The following USH2A variants were observed in gnomAD, a reference collection of about 807,000 sequenced individuals.
USH2A encodes Usher syndrome 2A (autosomal recessive, mild).
In USH2A, 443 loss-of-function variants were observed where a neutral mutation model predicts 538.9. That is an observed-to-expected ratio of 0.82 (90% CI 0.76 to 0.89). The LOEUF (loss-of-function observed/expected upper bound fraction) is 0.89, where lower values mean the gene tolerates loss of function less well. Among genes scored for constraint, USH2A ranks in the 40% least tolerant of loss-of-function variants. USH2A has a pLI of 0.00. For missense variants in USH2A, 6,633 were observed against 6,324.8 expected (o/e 1.05, Z -1.65); for synonymous variants, 2,413 against 2,273.5 (o/e 1.06, Z -1.75).
At chr1:216,380,511 A>T (rs2038906746) in intron 3 of USH2A, among the ~76,000 whole-genome samples, 1 of 152,202 alleles carries the variant, frequency 6.6e-6, no homozygotes, top group African/African-American at 2.4e-5. Context: ...TATTATTTTA[A>T]AGGAAATTCC....
At chr1:215,684,009 T>G (rs775015560) in intron 61 of USH2A, among the ~76,000 whole-genome samples, 4 of 152,194 alleles carry the variant, frequency 2.6e-5, no homozygotes, top group Admixed American at 6.5e-5. Flanking sequence ...AGAAGATGAC[T>G]CAACAAAGAA....
intron 61 of USH2A, among the ~76,000 whole-genome samples, chr1:215,695,475 T>C (rs978926234): frequency 1.3e-5 from 2 of 151,978 alleles, no homozygotes; most frequent in Non-Finnish European, 2.9e-5. Context: ...CAAAAATCAA[T>C]TGTATTTCCC....
At chr1:216,261,430 T>A in intron 11 of USH2A, among the ~76,000 whole-genome samples, 2 of 130,368 alleles carry the variant, frequency 1.5e-5, no homozygotes, top group Admixed American at 7.9e-5. Flanking sequence ...GCCTAGACAA[T>A]ATACTAAGAT....
chr1:216,078,780 GA>G (rs909368543), intron 26 of USH2A, among the ~76,000 whole-genome samples: 2 of 152,018 alleles, frequency 1.3e-5, no homozygotes, highest in Admixed American at 1.3e-4. Flanking sequence ...TAATTTGGGG[GA>G]AAATATGGCA....
At chr1:215,679,335 A>C (rs893457595) in intron 62 of USH2A, among the ~76,000 whole-genome samples, 2 of 152,148 alleles carry the variant, frequency 1.3e-5, no homozygotes, top group Admixed American at 6.5e-5. Flanking sequence ...TGGCAAAGAA[A>C]AGGGTAGTGT....
intron 3 of USH2A, among the ~76,000 whole-genome samples, chr1:216,385,335 G>A (rs907719356): frequency 6.6e-6 from 1 of 152,140 alleles, no homozygotes; most frequent in African/African-American, 2.4e-5. Flanking sequence ...TTGAAAAACT[G>A]TTGACAAAGA....
chr1:216,325,426 G>T lies in USH2A; in HGVS notation c.1022C>A (p.Pro341His). 4 of 1,613,914 alleles carry T rather than the reference G, an allele frequency of 2.5e-6. No individual in the cohort carries two copies. Among genetic ancestry groups the T allele is most frequent in the Non-Finnish European group, 3.4e-6 (4 of 1,179,928 alleles). Residue 341 changes from proline (P) to histidine (H), a missense_variant, in exon 6 of 72, where the codon CCT becomes CAT. Physicochemically the swap from Pro to His is moderately conservative, Grantham distance 77. Coordinates refer to ENST00000307340, the MANE Select transcript of USH2A (RefSeq NM_206933.4). The part of the protein sequence containing the change: ...RVSRLNPEAH[P>H]LSFVNDNDVG... ...ATCATTATCATTGACAAAAGAGAGA[G>T]GATGGGCTTCAGGATTCAACCGTGA... is the stretch of plus-strand genomic sequence containing the variant.
intron 36 of USH2A, among the ~76,000 whole-genome samples, chr1:215,969,585 A>G (rs1462426647): frequency 6.7e-6 from 1 of 150,060 alleles, no homozygotes; most frequent in African/African-American, 2.5e-5. Flanking sequence ...AAGCTGGCCT[A>G]TTGCCATTCC....
Position 215,759,730 on chromosome 1 carries a change from C to T in USH2A, c.11161G>A (p.Gly3721Arg). Residue 3721 changes from glycine (G) to arginine (R), a missense_variant, in exon 57 of 72, where the codon GGA becomes AGA. Coordinates refer to ENST00000307340, the MANE Select transcript of USH2A (RefSeq NM_206933.4). The stretch of plus-strand genomic sequence containing the variant: ...CTGCCACCCAGGAAAAGCAAGTTTC[C>T]ATTACGACTCAATTGATATTGAGAA... ...LVSQYQLSRNGNLLFLGGSEE... is the reference protein window; with the variant it reads ...LVSQYQLSRNRNLLFLGGSEE... The T allele has an allele frequency of 6.2e-7, 1 of 1,614,010 alleles. No homozygotes were observed. The highest frequency in any genetic ancestry group is 8.5e-7 in the Non-Finnish European group (1 of 1,179,952).
rs1007934416 is a variant in USH2A at position 215,948,486 on chromosome 1, A to C, written c.7121-13691T>G. On this transcript the variant is annotated intron_variant, in intron 37 of 71. Transcript: ENST00000307340. ...CACACGTATATATGGACATACATCT[A>C]TACATATATGATCTACTGTCATATA... Among the ~76,000 whole-genome samples, 12 of 151,732 alleles carry C rather than the reference A, an allele frequency of 7.9e-5. 1 individual carries two copies. In the East Asian group the frequency reaches 1.9e-3, roughly 24 times the overall value.
chr1:215,759,554 G>A (rs1454397666), intron 57 of USH2A, 106 bp downstream of exon 57: 4 of 1,394,530 alleles, frequency 2.9e-6, no homozygotes, highest in Non-Finnish European at 4.0e-6. Flanking sequence ...GAATGAGGAA[G>A]TTAATTAAAC....
At chr1:215,703,913 T>C (rs1013234682) in intron 61 of USH2A, among the ~76,000 whole-genome samples, 2 of 151,834 alleles carry the variant, frequency 1.3e-5, no homozygotes, top group African/African-American at 4.8e-5. Flanking sequence ...AGCTGCCTGG[T>C]TTTGTGCTTG....
In USH2A at chr1:215,674,777, C is replaced by A. The variant is rs148975669; in HGVS notation, c.13134G>T (p.Pro4378=). 271 of 1,614,054 alleles carry A rather than the reference C, an allele frequency of 1.7e-4. No homozygotes were observed. Among genetic ancestry groups the A allele is most frequent in the South Asian group, 1.6e-3 (143 of 91,072 alleles). ...TAATCTTTCCATTTTGCACTGTGGG[C>A]GGTGACCAACATACATTCATTTGAG... ...SATQMNVCWS[P]PTVQNGKITK... The change falls in exon 63 of 72, where the codon CCG becomes CCT. Residue 4378 remains proline, a synonymous_variant. Transcript: ENST00000307340.
Position 215,779,982 on chromosome 1 carries a change from G to A in USH2A, c.10800C>T (p.Ala3600=). The A allele has an allele frequency of 6.2e-7, 1 of 1,614,098 alleles. No homozygotes were observed. The highest frequency in any genetic ancestry group is 1.1e-5 in the South Asian group (1 of 91,086). The part of the protein sequence containing the change: ...PESILPPSIT[A]LSAVALHLSW... The stretch of plus-strand genomic sequence containing the variant: ...TCAGATGCAGAGCCACTGCACTTAG[G>A]GCTGTGATGCTTGGTGGCAGGATGC... Residue 3600 remains alanine (A), a synonymous_variant, in exon 55 of 72, where the codon GCC becomes GCT. Transcript: ENST00000307340.
intron 30 of USH2A, among the ~76,000 whole-genome samples, chr1:216,063,832 T>TA (rs1439444175): frequency 6.6e-6 from 1 of 152,166 alleles, no homozygotes; most frequent in Admixed American, 6.5e-5. Flanking sequence ...CTAATTGATG[T>TA]AAAAAAGAAT....
At chr1:216,289,448 T>G (rs767106126) in intron 10 of USH2A, 38 bp from the exon 11 acceptor site, 11 of 1,612,884 alleles carry the variant, frequency 6.8e-6, no homozygotes, top group South Asian at 1.1e-5. Context: ...GACTTCTAAT[T>G]CATTAAAATC....
At chr1:216,201,489 T>A (rs1351520406) in intron 16 of USH2A, 2 of 152,290 alleles carry the variant, frequency 1.3e-5, no homozygotes, top group Non-Finnish European at 2.9e-5. Flanking sequence ...AATTTTTGTA[T>A]TTTTTGTAGA....
chr1:215,958,663 C>T (rs551062435), intron 37 of USH2A, among the ~76,000 whole-genome samples: 1 of 152,058 alleles, frequency 6.6e-6, no homozygotes, highest in Non-Finnish European at 1.5e-5. Flanking sequence ...AGGCACCCCA[C>T]TCCTTCCAGA....
intron 60 of USH2A, among the ~76,000 whole-genome samples, chr1:215,728,999 C>T (rs1373982474): frequency 6.6e-6 from 1 of 152,094 alleles, no homozygotes; most frequent in Non-Finnish European, 1.5e-5. Context: ...CAGCTAGGGT[C>T]CCAATGTGTT....
Sources: allele counts gnomAD v4.1 joint callset (sites outside exome capture counted in the v4.1 genomes callset), GRCh38; gene constraint gnomAD v4.1.1; transcripts MANE v1.5; gene names NCBI Gene and HGNC (gene_info 2026-07-23, HGNC 2026-07-21).